Variants in MICAL2 observed in about 807,000 individuals in gnomAD.
MICAL2 encodes the protein [F-actin]-monooxygenase MICAL2.
Under a neutral mutation model 127.3 loss-of-function variants are expected in MICAL2, and 77 were observed. The ratio of observed to expected loss-of-function variants is 0.60; its 90% CI spans 0.50 to 0.73. The LOEUF is 0.73. MICAL2 is among the 30% of genes least tolerant of loss of function. MICAL2 has a pLI of 0.00. For missense variants in MICAL2, 1,351 were observed against 1,434.4 expected, an observed-to-expected ratio of 0.94 and a Z score of 0.94; for synonymous variants, 570 against 551.1, an observed-to-expected ratio of 1.03 and a Z score of -0.48.
chr11:12,323,515 A>G (rs981722851), intron 30 of MICAL2, among the ~76,000 whole-genome samples: 8 of 152,072 alleles, frequency 5.3e-5, no homozygotes, highest in African/African-American at 1.9e-4. Flanking sequence ...TCCCTGGGCC[A>G]TATCGTAGCA....
chr11:12,163,104 A>G (rs560905505), intron 3 of MICAL2, among the ~76,000 whole-genome samples: 1 of 152,134 alleles, frequency 6.6e-6, no homozygotes, highest in African/African-American at 2.4e-5. Context: ...TCTACCTAGG[A>G]CCACACTCAT....
At chr11:12,130,934 T>A (rs1451662415) in intron 1 of MICAL2, among the ~76,000 whole-genome samples, 2 of 152,104 alleles carry the variant, frequency 1.3e-5, no homozygotes, top group East Asian at 1.9e-4. Context: ...GCTTCTCAGC[T>A]CCCTCTGTGA....
upstream of MICAL2, among the ~76,000 whole-genome samples, chr11:12,272,537 T>A (rs1863685118): frequency 6.6e-6 from 1 of 152,172 alleles, no homozygotes; most frequent in Admixed American, 6.5e-5. Context: ...TACAAGCATT[T>A]GGGCACACAG....
At position 12,239,441 on chromosome 11, in the gene MICAL2, A is replaced by G; in HGVS notation, c.2070A>G (p.Ser690=). 6.2e-7 allele frequency: 1 copy of G among 1,614,140 alleles called. No homozygotes were observed. Among genetic ancestry groups the G allele is most frequent in the Non-Finnish European group, 8.5e-7 (1 of 1,180,026 alleles). Residue 690 remains serine (S), a synonymous_variant, in exon 17 of 28, where the codon TCA becomes TCG. Coordinates refer to ENST00000683283, the MANE Select transcript of MICAL2 (RefSeq NM_001282663.2). The part of the protein sequence containing the change: ...RKGFTNLDEP[S]NFSSRSLGSN... The stretch of plus-strand genomic sequence containing the variant: ...TCCCGTTTCAACCTTTGCAGCCTTC[A>G]AACTTTTCCAGCCGTAGCTTGGGCT...
At chr11:12,172,315 G>A (rs1057267666) in intron 3 of MICAL2, among the ~76,000 whole-genome samples, 1 of 152,206 alleles carries the variant, frequency 6.6e-6, no homozygotes, top group African/African-American at 2.4e-5. Flanking sequence ...CACATAACAT[G>A]TATTTGTCTC....
chr11:12,285,217 A>T (rs1259403079), intron 2 of MICAL2, among the ~76,000 whole-genome samples: 1 of 152,136 alleles, frequency 6.6e-6, no homozygotes, highest in Non-Finnish European at 1.5e-5. Flanking sequence ...CCAGTTTATC[A>T]ATCTAGGTGG....
At chr11:12,218,728 C>T (rs924610647) in intron 8 of MICAL2, among the ~76,000 whole-genome samples, 10 of 152,032 alleles carry the variant, frequency 6.6e-5, no homozygotes, top group Admixed American at 2.6e-4. Context: ...GCAATTTGGG[C>T]GGTTTGGTTT....
chr11:12,239,578 T>C lies in MICAL2; in HGVS notation c.2207T>C (p.Met736Thr). The C allele has an allele frequency of 1.2e-6, 2 of 1,614,046 alleles. No homozygotes were observed. The highest frequency in any genetic ancestry group is 1.7e-6 in the Non-Finnish European group (2 of 1,179,972). The change falls in exon 17 of 28, where the codon ATG becomes ACG. Residue 736 changes from methionine (M) to threonine (T), a missense_variant. Coordinates refer to ENST00000683283, the MANE Select transcript of MICAL2 (RefSeq NM_001282663.2). The part of the protein sequence containing the change: ...FEESTRNPSL[M>T]KQERRVSGIG... ...GAGAGCACTCGGAACCCCTCACTCA[T>C]GAAGCAGGTGAGTCATGTCAAATAC... is the stretch of plus-strand genomic sequence containing the variant.
upstream of MICAL2, among the ~76,000 whole-genome samples, chr11:12,273,379 G>A (rs1048463026): frequency 2.0e-5 from 3 of 151,962 alleles, no homozygotes; most frequent in Admixed American, 1.3e-4. Context: ...CACCACCATC[G>A]CCATGTCATT....
intron 1 of MICAL2, among the ~76,000 whole-genome samples, chr11:12,123,608 C>T (rs56265246): frequency 0.2 from 30,237 of 152,138 alleles, 3,311 homozygotes; most frequent in Middle Eastern, 0.26. Context: ...ATATGTGAGG[C>T]GGTGACAGCT....
chr11:12,358,608 A>T (rs1369563038), downstream of MICAL2: 5 of 894,714 alleles, frequency 5.6e-6, no homozygotes, highest in African/African-American at 3.3e-5. Flanking sequence ...TGCATTTTTT[A>T]AAATTAAAAT....
intron 27 of MICAL2, 181 bp downstream of exon 27, chr11:12,262,718 T>C (rs1863297769): frequency 3.4e-6 from 2 of 595,150 alleles, no homozygotes; most frequent in Admixed American, 5.8e-5. Context: ...TTGAGACCCA[T>C]GCCTGTGTTC....
At chr11:12,211,185 T>C (rs12292653) in intron 6 of MICAL2, among the ~76,000 whole-genome samples, 35,301 of 151,928 alleles carry the variant, frequency 0.23, 5,014 homozygotes, top group Non-Finnish European at 0.31. Context: ...ATCGAGACCA[T>C]CCTGGCTAAC....
intron 15 of MICAL2, among the ~76,000 whole-genome samples, chr11:12,234,391 TG>T (rs982741216): frequency 3.3e-5 from 5 of 152,100 alleles, no homozygotes; most frequent in Admixed American, 1.3e-4. Context: ...GCCCCAGGTT[TG>T]GGCTGGCAAG....
At chr11:12,248,136 G>T (rs1379864986) in intron 21 of MICAL2, among the ~76,000 whole-genome samples, 1 of 152,170 alleles carries the variant, frequency 6.6e-6, no homozygotes, top group African/African-American at 2.4e-5. Flanking sequence ...AAGACAGGGA[G>T]CCAGGGCTCT....
chr11:12,257,599 C>T (rs949780786), intron 24 of MICAL2, among the ~76,000 whole-genome samples: 1 of 152,196 alleles, frequency 6.6e-6, no homozygotes, highest in African/African-American at 2.4e-5. Context: ...AGTCTACCAC[C>T]TCCTAAGCAT....
chr11:12,227,242 G>A, intron 15 of MICAL2, 111 bp downstream of exon 15: 1 of 749,816 alleles, frequency 1.3e-6, no homozygotes, highest in Non-Finnish European at 2.2e-6. Context: ...ACATGGATCA[G>A]GCGCTCCCGG....
chr11:12,318,916 A>G (rs988255001), intron 29 of MICAL2, among the ~76,000 whole-genome samples: 6 of 152,174 alleles, frequency 3.9e-5, no homozygotes, highest in African/African-American at 1.4e-4. Context: ...AGACTGGCAT[A>G]TCTCCTCGAA....
intron 29 of MICAL2, among the ~76,000 whole-genome samples, chr11:12,303,999 C>T (rs1221249612): frequency 1.3e-5 from 2 of 152,174 alleles, no homozygotes; most frequent in African/African-American, 4.8e-5. Flanking sequence ...CACTGCACTC[C>T]AGCCTGGGCA....
Sources: gnomAD v4.1 joint callset for allele counts (sites outside exome capture counted in the v4.1 genomes callset) on GRCh38, gnomAD v4.1.1 for gene constraint, MANE v1.5 for transcripts, NCBI Gene and HGNC (gene_info 2026-07-23, HGNC 2026-07-21) for gene names.